PKNOX2: variants seen among roughly 807,000 people sequenced by gnomAD.
PKNOX2 encodes PBX/knotted 1 homeobox 2, also known as homeobox protein PKNOX2.
PKNOX2 carries 14 observed loss-of-function variants against 53.1 expected under a neutral mutation model. That is an observed-to-expected ratio of 0.26 (90% CI 0.17 to 0.41). The LOEUF (loss-of-function observed/expected upper bound fraction) is 0.41. PKNOX2 is among the 10% of genes least tolerant of loss of function. The pLI, the probability that PKNOX2 is intolerant of heterozygous loss-of-function variation, is 1.00. For synonymous variants in PKNOX2, 257 were observed against 242.8 expected (o/e 1.06, Z -0.54); for missense variants, 496 against 602.8 (o/e 0.82, Z 1.85).
chr11:125,415,888 A>T (rs1235502199), intron 10 of PKNOX2, among the ~76,000 whole-genome samples: 2 of 152,238 alleles, frequency 1.3e-5, no homozygotes, highest in Non-Finnish European at 2.9e-5. Context: ...AGATGGACAT[A>T]CCGTATACAT....
intron 2 of PKNOX2, among the ~76,000 whole-genome samples, chr11:125,242,782 C>T (rs537477688): frequency 2.0e-5 from 3 of 152,164 alleles, no homozygotes; most frequent in South Asian, 2.1e-4. Flanking sequence ...TGTCGGGGCA[C>T]GTCTGTCCAT....
intron 3 of PKNOX2, among the ~76,000 whole-genome samples, chr11:125,341,124 G>A (rs957187906): frequency 6.6e-6 from 1 of 150,502 alleles, no homozygotes. Context: ...AACTTTGGAA[G>A]GCCGAGGCAG....
intron 3 of PKNOX2, among the ~76,000 whole-genome samples, chr11:125,341,814 G>A (rs1446642011): frequency 1.3e-5 from 2 of 152,270 alleles, no homozygotes; most frequent in East Asian, 3.8e-4. Flanking sequence ...GCTGGGGTGC[G>A]AGTCTGTGTG....
chr11:125,172,876 C>T (rs527390924), intron 1 of PKNOX2, among the ~76,000 whole-genome samples: 1 of 152,316 alleles, frequency 6.6e-6, no homozygotes, highest in Admixed American at 6.5e-5. Flanking sequence ...GATGGCCTGC[C>T]TGGGACAAAT....
chr11:125,339,720 G>C (rs544274658), intron 3 of PKNOX2, among the ~76,000 whole-genome samples: 1 of 152,234 alleles, frequency 6.6e-6, no homozygotes, highest in Non-Finnish European at 1.5e-5. Flanking sequence ...CCCCAGAGCC[G>C]CCAAGAGCAG....
chr11:125,312,590 G>A (rs1047953365), intron 2 of PKNOX2, among the ~76,000 whole-genome samples: 1 of 152,162 alleles, frequency 6.6e-6, no homozygotes, highest in Non-Finnish European at 1.5e-5. Context: ...TGGCTCTGTG[G>A]ATGACTGCAA....
rs1407756198 is a variant in PKNOX2, at chr11:125,374,488, A to G, written c.227+6503A>G. Among the ~76,000 whole-genome samples, 3 of 152,044 alleles carry G rather than the reference A, an allele frequency of 2.0e-5. No individual in the cohort carries two copies. The East Asian group carries it at 5.8e-4, about 29-fold the overall frequency. On this transcript the variant is annotated intron_variant, in intron 5 of 12. Transcript: ENST00000298282. ...CTGGAGCTATAATCTGAAAAGTGAA[A>G]CCATGCTCAGATTTCCTCTGTACCA... is the stretch of plus-strand genomic sequence containing the variant.
chr11:125,409,391 G>T (rs938921334), intron 7 of PKNOX2, among the ~76,000 whole-genome samples: 1 of 152,198 alleles, frequency 6.6e-6, no homozygotes, highest in African/African-American at 2.4e-5. Context: ...TCGGCAGTGT[G>T]GGGAGAGGAG....
chr11:125,418,518 G>C lies in PKNOX2; in HGVS notation c.936+6653G>C, dbSNP rs574032757. On this transcript the variant is annotated intron_variant, in intron 10 of 12. Transcript: ENST00000298282. ...ATGCCGGGCTCCTTCTGGCTGGGGG[G>C]AGGCAGAGCGGCTGTACCCCAGGAA... Among the ~76,000 whole-genome samples, 4 of 152,108 alleles carry C rather than the reference G, an allele frequency of 2.6e-5. No homozygotes were observed. The South Asian group carries it at 8.3e-4, about 32-fold the overall frequency.
At chr11:125,299,062 T>C (rs1947853914) in intron 2 of PKNOX2, among the ~76,000 whole-genome samples, 1 of 152,002 alleles carries the variant, frequency 6.6e-6, no homozygotes, top group Admixed American at 6.6e-5. Flanking sequence ...GGGAGGCCTC[T>C]GGGAGCTTTT....
chr11:125,267,313 C>T (rs1443896093), intron 2 of PKNOX2, among the ~76,000 whole-genome samples: 2 of 152,172 alleles, frequency 1.3e-5, no homozygotes, highest in South Asian at 2.1e-4. Flanking sequence ...GTGCTCGTAT[C>T]TGGAGTGAAT....
chr11:125,381,173 C>G (rs1953202558), intron 5 of PKNOX2, among the ~76,000 whole-genome samples: 2 of 152,066 alleles, frequency 1.3e-5, no homozygotes, highest in Admixed American at 6.6e-5. Flanking sequence ...CACAGGCGCC[C>G]CGCTGACCAT....
intron 4 of PKNOX2, among the ~76,000 whole-genome samples, chr11:125,366,893 G>A (rs1452991759): frequency 6.6e-6 from 1 of 152,198 alleles, no homozygotes; most frequent in African/African-American, 2.4e-5. Context: ...TACTAAGTAT[G>A]TGCTAGTTGG....
intron 6 of PKNOX2, among the ~76,000 whole-genome samples, chr11:125,386,024 G>A (rs1953607520): frequency 6.6e-6 from 1 of 152,222 alleles, no homozygotes; most frequent in African/African-American, 2.4e-5. Flanking sequence ...ATAACAGCCA[G>A]AACATCTGGG....
At chr11:125,380,061 C>T (rs968513057) in intron 5 of PKNOX2, among the ~76,000 whole-genome samples, 8 of 152,094 alleles carry the variant, frequency 5.3e-5, no homozygotes, top group African/African-American at 1.9e-4. Context: ...ATGTTATTCG[C>T]GATCATCTCT....
chr11:125,403,367 C>T (rs1041068162), intron 7 of PKNOX2, among the ~76,000 whole-genome samples: 3 of 152,082 alleles, frequency 2.0e-5, no homozygotes, highest in Non-Finnish European at 4.4e-5. Flanking sequence ...ACGCTGGAGA[C>T]AAATCAATTG....
At chr11:125,334,122 C>T (rs922545580) in intron 3 of PKNOX2, among the ~76,000 whole-genome samples, 16 of 152,062 alleles carry the variant, frequency 1.1e-4, no homozygotes, top group Non-Finnish European at 1.9e-4. Context: ...AGGACAGATT[C>T]GGGACTGAAA....
chr11:125,309,195 C>CCTCTCTCTTCCTTCCTTTCTCTCT (rs1948652025), intron 2 of PKNOX2, among the ~76,000 whole-genome samples: 2 of 146,716 alleles, frequency 1.4e-5, no homozygotes, highest in Non-Finnish European at 3.0e-5. Flanking sequence ...TTCCTTCCTT[C>CCTCTCTCTTCCTTCCTTTCTCTCT]CTCTCTCTTC....
At chr11:125,419,799 G>A (rs550662552) in intron 10 of PKNOX2, among the ~76,000 whole-genome samples, 48 of 151,542 alleles carry the variant, frequency 3.2e-4, no homozygotes, top group Non-Finnish European at 5.6e-4. Context: ...AGGAGGCCAA[G>A]GCGGGAGGAT....
Sources: allele counts gnomAD v4.1 joint callset (sites outside exome capture counted in the v4.1 genomes callset), GRCh38; gene constraint gnomAD v4.1.1; transcripts MANE v1.5; gene names NCBI Gene and HGNC (gene_info 2026-07-23, HGNC 2026-07-21).